CD1B: variants seen among roughly 807,000 people sequenced by gnomAD.
CD1B encodes T-cell surface glycoprotein CD1b.
In CD1B, 43 loss-of-function variants were observed where a neutral mutation model predicts 39.8. The observed-to-expected ratio is 1.08, with a 90% CI of 0.85 to 1.39. The LOEUF is 1.39. Ranked by LOEUF, CD1B falls within the 40% of genes most tolerant of loss-of-function variation. The pLI is 0.00. For missense variants in CD1B, 495 were observed against 403.8 expected, an observed-to-expected ratio of 1.23 and a Z score of -1.94; for synonymous variants, 192 against 152.5, an observed-to-expected ratio of 1.26 and a Z score of -1.91.
At chr1:158,327,770 G>A (rs958596430), downstream of CD1B, among the ~76,000 whole-genome samples, 1 of 152,192 alleles carries the variant, frequency 6.6e-6, no homozygotes, top group Non-Finnish European at 1.5e-5. Context: ...TCTCAGCTGA[G>A]CCTTCAGGGC....
the CD1B span, chr1:158,292,465 A>G: frequency 2.2e-5 from 33 of 1,491,702 alleles, no homozygotes; most frequent in Non-Finnish European, 2.8e-5. Context: ...GACAAGAAGC[A>G]GGGGGGTTGC....
At chr1:158,299,833 T>A in the CD1B span, among the ~76,000 whole-genome samples, 1 of 152,182 alleles carries the variant, frequency 6.6e-6, no homozygotes, top group African/African-American at 2.4e-5. Flanking sequence ...AGTGGTGATA[T>A]CCCCTTTATC....
At chr1:158,315,046 C>T in the CD1B span, among the ~76,000 whole-genome samples, 2 of 149,136 alleles carry the variant, frequency 1.3e-5, no homozygotes, top group Non-Finnish European at 3.0e-5. Context: ...TTTCTTAATC[C>T]AGTCTATCAT....
chr1:158,286,840 G>GT, the CD1B span, among the ~76,000 whole-genome samples: 752 of 150,890 alleles, frequency 5.0e-3, 7 homozygotes, highest in Non-Finnish European at 7.2e-3. Flanking sequence ...AATACTTTTT[G>GT]TTTTTTTTTC....
In CD1B at chr1:158,329,008, G is replaced by A; in HGVS notation, c.893C>T (p.Pro298Leu). 1 of 1,612,526 alleles carries A rather than the reference G, an allele frequency of 6.2e-7. No homozygotes were observed. The highest frequency in any genetic ancestry group is 1.1e-5 in the South Asian group (1 of 90,828). ...CAAAACAATTGAGCCAATGGAGGTGGGGTTTCCTGGCAATTGAGAGAGGAC... is the reference window on the plus strand; with the variant it reads ...CAAAACAATTGAGCCAATGGAGGTGAGGTTTCCTGGCAATTGAGAGAGGAC... Reference protein sequence around the residue: ...GQDIILYWRNPTSIGSIVLAI... With the variant: ...GQDIILYWRNLTSIGSIVLAI... The change falls in exon 5 of 6, where the codon CCC becomes CTC. Residue 298 changes from proline to leucine, a missense_variant. Transcript: ENST00000368168.
chr1:158,297,921 G>C, the CD1B span, among the ~76,000 whole-genome samples: 1 of 147,348 alleles, frequency 6.8e-6, no homozygotes, highest in Non-Finnish European at 1.5e-5. Flanking sequence ...AAGTAACAGA[G>C]TGAGACCCTG....
downstream of CD1B, among the ~76,000 whole-genome samples, chr1:158,326,096 G>A (rs1218373743): frequency 6.6e-6 from 1 of 152,008 alleles, no homozygotes; most frequent in Non-Finnish European, 1.5e-5. Flanking sequence ...CAGCCTCCCT[G>A]AGTAGCTGGG....
At chr1:158,292,648 G>T in the CD1B span, 4 of 1,613,524 alleles carry the variant, frequency 2.5e-6, no homozygotes, top group Non-Finnish European at 3.4e-6. Context: ...CTGGCCAGCT[G>T]TTGCTGGTTT....
chr1:158,330,244 A>T, intron 2 of CD1B, 114 bp from the exon 3 acceptor site: 1 of 926,512 alleles, frequency 1.1e-6, no homozygotes, highest in Non-Finnish European at 1.7e-6. Flanking sequence ...GTGTAAAATG[A>T]TGATGAGCTA....
At chr1:158,321,921 A>G in the CD1B span, among the ~76,000 whole-genome samples, 2 of 152,008 alleles carry the variant, frequency 1.3e-5, no homozygotes, top group Non-Finnish European at 2.9e-5. Flanking sequence ...CCCTCCTCTC[A>G]TCCACCACAC....
chr1:158,312,697 C>T, the CD1B span, among the ~76,000 whole-genome samples: 1 of 152,140 alleles, frequency 6.6e-6, no homozygotes, highest in African/African-American at 2.4e-5. Flanking sequence ...TTTGTATATG[C>T]ATTTAATATC....
At position 158,327,998 on chromosome 1, in the gene CD1B, A is replaced by G. The variant is rs2101710266; in HGVS notation, c.*238T>C. Reference sequence around the variant, plus strand: ...ATTTATTTTGAGACACATTTTTTCTAACATTTTAATGTGTGTAAAATCAGG... The same window carrying G: ...ATTTATTTTGAGACACATTTTTTCTGACATTTTAATGTGTGTAAAATCAGG... On this transcript the variant is annotated 3_prime_UTR_variant, in exon 6 of 6. Coordinates refer to ENST00000368168, the MANE Select transcript of CD1B (RefSeq NM_001764.3). 1 of 404,668 alleles carries G rather than the reference A, an allele frequency of 2.5e-6. No individual in the cohort carries two copies. The highest frequency in any genetic ancestry group is 7.0e-5 in the South Asian group (1 of 14,388). The allele number at this position is 404,668 out of a possible 1,614,324, so 25.1% of individuals were successfully genotyped here. A position where few individuals can be genotyped will look rare whatever the true frequency, so the allele number is the denominator to read the frequency against.
the CD1B span, among the ~76,000 whole-genome samples, chr1:158,312,718 A>C: frequency 6.6e-6 from 1 of 152,198 alleles, no homozygotes; most frequent in Non-Finnish European, 1.5e-5. Flanking sequence ...CTGAAATTTT[A>C]CTGAATTTAT....
At chr1:158,313,979 C>T in the CD1B span, among the ~76,000 whole-genome samples, 3 of 151,970 alleles carry the variant, frequency 2.0e-5, no homozygotes, top group African/African-American at 7.2e-5. Flanking sequence ...CTCTTATGGT[C>T]CTTTGTATTT....
Position 158,328,277 on chromosome 1 carries a change from A to C in CD1B, c.981-20T>G. The C allele has an allele frequency of 6.2e-7, 1 of 1,604,382 alleles. No homozygotes were observed. The highest frequency in any genetic ancestry group is 1.1e-5 in the South Asian group (1 of 90,610). On this transcript the variant is annotated intron_variant, in intron 5 of 5. Transcript: ENST00000368168. ...TATGACCTGTTAAAAACAGAAGAACAAAAGAGCTCCACATAAAAGATGTTT... is the reference window on the plus strand; with the variant it reads ...TATGACCTGTTAAAAACAGAAGAACCAAAGAGCTCCACATAAAAGATGTTT...
At chr1:158,300,148 C>T in the CD1B span, among the ~76,000 whole-genome samples, 9 of 152,202 alleles carry the variant, frequency 5.9e-5, no homozygotes, top group Non-Finnish European at 1.0e-4. Flanking sequence ...CCTCTACACA[C>T]TGCTTTACAT....
chr1:158,307,393 G>C, the CD1B span, among the ~76,000 whole-genome samples: 1 of 152,076 alleles, frequency 6.6e-6, no homozygotes, highest in Non-Finnish European at 1.5e-5. Flanking sequence ...GGAAGAATTT[G>C]AATCCCTGAA....
In CD1B at chr1:158,328,194, CT is replaced by C. The variant is rs1652430776; in HGVS notation, c.*41del. ...ACTTTTGGGCTGATATCTTGGGCTT[CT>C]TGGTACTTATTGCGAATGGGAGAGG... On this transcript the variant is annotated 3_prime_UTR_variant, in exon 6 of 6. Transcript: ENST00000368168. The C allele has an allele frequency of 6.5e-7, 1 of 1,547,042 alleles. No individual in the cohort carries two copies. Among genetic ancestry groups the C allele is most frequent in the Non-Finnish European group, 8.9e-7 (1 of 1,122,310 alleles).
chr1:158,308,722 C>A, the CD1B span, among the ~76,000 whole-genome samples: 44 of 152,134 alleles, frequency 2.9e-4, no homozygotes, highest in African/African-American at 2.9e-4. Flanking sequence ...CAAAAACCAG[C>A]AATGGGGAAA....
Sources: allele counts gnomAD v4.1 joint callset (sites outside exome capture counted in the v4.1 genomes callset), GRCh38; gene constraint gnomAD v4.1.1; transcripts MANE v1.5; gene names NCBI Gene and HGNC (gene_info 2026-07-23, HGNC 2026-07-21).